The following SPIRE1 variants were observed in gnomAD, a reference collection of about 807,000 sequenced individuals.
The protein encoded by SPIRE1 is spire type actin nucleation factor 1, also known as protein spire homolog 1.
A neutral mutation model predicts 94.1 loss-of-function variants in SPIRE1; 40 were observed. The observed-to-expected ratio is 0.43, with a 90% confidence interval of 0.33 to 0.55. The LOEUF is 0.55. Among genes scored for constraint, SPIRE1 ranks in the 20% least tolerant of loss-of-function variants. The pLI is 0.06. For missense variants in SPIRE1, 838 were observed against 975.2 expected (o/e 0.86, Z 1.87); for synonymous variants, 376 against 371.7 (o/e 1.01, Z -0.13).
In SPIRE1 at chr18:12,559,944, G is replaced by C. The variant is rs942761620; in HGVS notation, c.373-13040C>G. On this transcript the variant is annotated intron_variant, in intron 2 of 16. Transcript: ENST00000409402. This position sits in a 1 kb window ranked among gnomAD's most constrained non-coding sequence, Gnocchi z 4.7. ...TAAAAATGGGCAAAAGATCCGAATA[G>C]ACATTTCTCAAAGTAAGAATTAGAA... Among the ~76,000 whole-genome samples, 1 of 152,156 alleles carries C rather than the reference G, an allele frequency of 6.6e-6. No individual in the cohort carries two copies. The highest frequency in any genetic ancestry group is 2.4e-5 in the African/African-American group (1 of 41,430).
chr18:12,561,865 G>A (rs200657840), intron 2 of SPIRE1, among the ~76,000 whole-genome samples: 4 of 640 alleles, frequency 6.3e-3, no homozygotes, highest in Admixed American at 0.042. Flanking sequence ...ATATCAGTTC[G>A]GTTAAATTTT....
rs1270995143 is a variant in SPIRE1, at chr18:12,448,481, A to G, written c.*1157T>C. Reference sequence around the variant, plus strand: ...CACACTGAGACATTTGAGGCATACAATGCTACCCTCCAGTCTACTTTCGTC... The same window carrying G: ...CACACTGAGACATTTGAGGCATACAGTGCTACCCTCCAGTCTACTTTCGTC... On this transcript the variant is annotated 3_prime_UTR_variant, in exon 17 of 17. Transcript: ENST00000409402. The surrounding 1 kb of genome is among the most constrained non-coding windows in gnomAD (Gnocchi z 4.4). 6.6e-6 allele frequency: 1 copy of G among 152,330 alleles called. No homozygotes were observed. The highest frequency in any genetic ancestry group is 2.4e-5 in the African/African-American group (1 of 41,444). 9.4% of individuals were successfully genotyped at this position (152,330 alleles called of 1,614,324 possible).
At position 12,506,524 on chromosome 18, in the gene SPIRE1, A is replaced by C; in HGVS notation, c.925T>G (p.Leu309Val). 6.2e-7 allele frequency: 1 copy of C among 1,614,038 alleles called. No individual in the cohort carries two copies. The highest frequency in any genetic ancestry group is 8.5e-7 in the Non-Finnish European group (1 of 1,179,968). ...IEYQLTPYEM[L>V]MDDIRCKRYT... is the part of the protein sequence containing the mutation. ...CTTTTGCAGCGAATGTCATCCATTA[A>C]CATCTCATAAGGGGTGAGCTGATAT... is the stretch of plus-strand genomic sequence containing the variant. Residue 309 changes from leucine (L) to valine (V), a missense_variant, in exon 6 of 17, where the codon TTA (leucine) becomes GTA (valine). This residue lies in a region of SPIRE1 where 645 missense variants were observed against 804.7 expected (regional missense o/e 0.80). Coordinates refer to ENST00000409402, the MANE Select transcript of SPIRE1 (RefSeq NM_001128626.2).
intron 2 of SPIRE1, among the ~76,000 whole-genome samples, chr18:12,554,296 CA>C (rs35637714): frequency 0.049 from 2,749 of 56,374 alleles, 56 homozygotes; most frequent in African/African-American, 0.15. Context: ...AGACTCTGTT[CA>C]AAAAAAAAAA....
chr18:12,459,474 G>A (rs2031681024), intron 12 of SPIRE1, among the ~76,000 whole-genome samples: 1 of 152,250 alleles, frequency 6.6e-6, no homozygotes, highest in South Asian at 2.1e-4. Context: ...ATGGAGAAAG[G>A]TGGCAGCACT....
chr18:12,620,932 G>T (rs1598543682), intron 2 of SPIRE1, among the ~76,000 whole-genome samples: 1 of 152,036 alleles, frequency 6.6e-6, no homozygotes, highest in Non-Finnish European at 1.5e-5. Flanking sequence ...ACTATATAAA[G>T]AACTCTTACA....
intron 3 of SPIRE1, among the ~76,000 whole-genome samples, chr18:12,541,365 C>T (rs2035009662): frequency 6.6e-6 from 1 of 152,094 alleles, no homozygotes; most frequent in Non-Finnish European, 1.5e-5. Flanking sequence ...TTCTCATTAT[C>T]CAAATATTCT....
intron 1 of SPIRE1, among the ~76,000 whole-genome samples, chr18:12,641,202 C>G (rs1279317638): frequency 6.6e-6 from 1 of 152,044 alleles, no homozygotes; most frequent in African/African-American, 2.4e-5. Context: ...CAACAACAAC[C>G]ATTAGTTTAA....
At chr18:12,539,184 C>G (rs2034931711) in intron 3 of SPIRE1, among the ~76,000 whole-genome samples, 1 of 152,170 alleles carries the variant, frequency 6.6e-6, no homozygotes, top group Non-Finnish European at 1.5e-5. Context: ...TGTCCCCACC[C>G]AAATCTCATC....
intron 16 of SPIRE1, among the ~76,000 whole-genome samples, chr18:12,451,948 T>G (rs2031258979): frequency 6.6e-6 from 1 of 152,186 alleles, no homozygotes; most frequent in Non-Finnish European, 1.5e-5. Context: ...ACATTCCAAT[T>G]TTCAACTCCA....
chr18:12,597,961 T>G lies in SPIRE1; in HGVS notation c.372+37101A>C, dbSNP rs138465363. Reference sequence around the variant, plus strand: ...GCGAAGGTGTGGGTGAGCAAACAGCTGGGACTGCATTGGCCAGGGACGCAT... The same window carrying G: ...GCGAAGGTGTGGGTGAGCAAACAGCGGGGACTGCATTGGCCAGGGACGCAT... On this transcript the variant is annotated intron_variant, in intron 2 of 16. Coordinates refer to ENST00000409402, the MANE Select transcript of SPIRE1 (RefSeq NM_001128626.2). 1.8e-3 allele frequency among the ~76,000 whole-genome samples: 275 copies of G among 152,266 alleles called. 1 individual carries two copies. Among genetic ancestry groups the G allele is most frequent in the African/African-American group, 6.4e-3 (266 of 41,552 alleles).
intron 3 of SPIRE1, among the ~76,000 whole-genome samples, chr18:12,541,161 T>C (rs2035004443): frequency 1.3e-5 from 2 of 152,262 alleles, no homozygotes; most frequent in African/African-American, 4.8e-5. Flanking sequence ...ATAAAATCTT[T>C]TTGTTATTCA....
At chr18:12,615,491 G>C (rs2037279486) in intron 2 of SPIRE1, among the ~76,000 whole-genome samples, 1 of 134,474 alleles carries the variant, frequency 7.4e-6, no homozygotes, top group African/African-American at 2.6e-5. Context: ...AGTGAGCCAA[G>C]ATCTCACCAC....
At chr18:12,620,246 C>T (rs551272623) in intron 2 of SPIRE1, among the ~76,000 whole-genome samples, 55 of 152,060 alleles carry the variant, frequency 3.6e-4, no homozygotes, top group Admixed American at 1.7e-3. Context: ...TTGTTAAATG[C>T]GATAATAACC....
chr18:12,659,854 TTA>T (rs45587334), upstream of SPIRE1, among the ~76,000 whole-genome samples: 10,857 of 152,248 alleles, frequency 0.071, 550 homozygotes, highest in Non-Finnish European at 0.1. Context: ...ATGTAATTCC[TTA>T]TGTGTGACAC....
intron 2 of SPIRE1, among the ~76,000 whole-genome samples, chr18:12,634,233 G>A (rs1221680586): frequency 6.7e-6 from 1 of 148,838 alleles, no homozygotes; most frequent in African/African-American, 2.5e-5. Context: ...GGGCGACAGA[G>A]CGAGACTCCG....
intron 2 of SPIRE1, among the ~76,000 whole-genome samples, chr18:12,573,155 C>T (rs866942877): frequency 6.6e-6 from 1 of 152,054 alleles, no homozygotes; most frequent in Non-Finnish European, 1.5e-5. Context: ...GAGAAAACAA[C>T]CCAATTATAT....
chr18:12,574,618 G>A (rs1259658088), intron 2 of SPIRE1, among the ~76,000 whole-genome samples: 1 of 152,212 alleles, frequency 6.6e-6, no homozygotes, highest in Non-Finnish European at 1.5e-5. Flanking sequence ...CAGCTGTGTG[G>A]GTGGCAAAGG....
At chr18:12,607,896 C>T (rs1472841723) in intron 2 of SPIRE1, among the ~76,000 whole-genome samples, 1 of 152,116 alleles carries the variant, frequency 6.6e-6, no homozygotes, top group Admixed American at 6.5e-5. Flanking sequence ...GTGGCTCATG[C>T]CTGTAATCCC....
Sources: gnomAD v4.1 joint callset for allele counts (sites outside exome capture counted in the v4.1 genomes callset) on GRCh38, gnomAD v4.1.1 for gene constraint, gnomAD v4.1.1 regional missense constraint, Gnocchi (gnomAD v3.1) non-coding constraint, MANE v1.5 for transcripts, NCBI Gene and HGNC (gene_info 2026-07-23, HGNC 2026-07-21) for gene names.